Variants in GGACT observed in about 807,000 individuals in gnomAD.
The protein encoded by GGACT is gamma-glutamylaminecyclotransferase.
For missense variants in GGACT, 241 were observed against 233.2 expected (o/e 1.03, Z -0.22); for synonymous variants, 118 against 115.3 (o/e 1.02, Z -0.15).
At chr13:100,581,675 A>T (rs1875421656) in intron 2 of GGACT, among the ~76,000 whole-genome samples, 1 of 152,226 alleles carries the variant, frequency 6.6e-6, no homozygotes, top group Non-Finnish European at 1.5e-5. Flanking sequence ...GCTCACTGTG[A>T]CTTCCTTTCA....
chr13:100,583,210 T>C (rs1875467691), intron 2 of GGACT, among the ~76,000 whole-genome samples: 2 of 152,220 alleles, frequency 1.3e-5, no homozygotes, highest in South Asian at 4.1e-4. Context: ...TACATTTTCA[T>C]TTATCTGTGT....
rs551014691 is a variant in GGACT, at chr13:100,561,354, T to A, written c.-11+22471A>T. 1.4e-4 allele frequency among the ~76,000 whole-genome samples: 22 copies of A among 152,328 alleles called. No individual in the cohort carries two copies. The South Asian group carries it at 2.7e-3, about 19-fold the overall frequency. On this transcript the variant is annotated intron_variant, in intron 2 of 2. Coordinates refer to ENST00000683975, the MANE Select transcript of GGACT (RefSeq NM_001195087.2). Reference sequence around the variant, plus strand: ...ATGTGAATTATTTCTCAATAAAGCATTAAAATAATGCAATTCTGTATAGAT... The same window carrying A: ...ATGTGAATTATTTCTCAATAAAGCAATAAAATAATGCAATTCTGTATAGAT...
chr13:100,550,345 CA>C lies in GGACT; in HGVS notation c.-10-17745del, dbSNP rs1566532525. On this transcript the variant is annotated intron_variant, in intron 2 of 2. Coordinates refer to ENST00000683975, the MANE Select transcript of GGACT (RefSeq NM_001195087.2). ...ACACACACACACACACACACACACA[CA>C]CACACACACCACTGGCCCTTCTAAG... 2.5e-4 allele frequency among the ~76,000 whole-genome samples: 12 copies of C among 47,844 alleles called. 1 individual carries two copies. The highest frequency in any genetic ancestry group is 6.5e-4 in the African/African-American group (10 of 15,410). 31.4% of individuals were successfully genotyped at this position (47,844 alleles called of 152,430 possible).
Position 100,530,244 on chromosome 13 carries a change from A to T in GGACT, c.*1886T>A. The T allele has an allele frequency of 8.7e-7, 1 of 1,149,150 alleles. No individual in the cohort carries two copies. Among genetic ancestry groups the T allele is most frequent in the Non-Finnish European group, 1.3e-6 (1 of 761,118 alleles). The allele number at this position is 1,149,150 out of a possible 1,614,324, so 71.2% of individuals were successfully genotyped here. On this transcript the variant is annotated 3_prime_UTR_variant, in exon 3 of 3. Coordinates refer to ENST00000683975, the MANE Select transcript of GGACT (RefSeq NM_001195087.2). ...GCTTTCACACACAATTGATTCAAGC[A>T]TTATACAGGAACACCCCTGTGCAGC...
intron 2 of GGACT, among the ~76,000 whole-genome samples, chr13:100,554,574 T>C (rs1361352139): frequency 1.3e-5 from 2 of 152,190 alleles, no homozygotes; most frequent in Non-Finnish European, 2.9e-5. Flanking sequence ...TACCAAGGAA[T>C]CACGATTAAT....
chr13:100,582,577 G>T (rs191767958), intron 2 of GGACT, among the ~76,000 whole-genome samples: 1 of 152,196 alleles, frequency 6.6e-6, no homozygotes, highest in African/African-American at 2.4e-5. Flanking sequence ...CCCTGGATCA[G>T]ATCAGACAGA....
In GGACT at chr13:100,550,335, CACACACACACACACACA is replaced by C. The variant is rs1566532466; in HGVS notation, c.-10-17751_-10-17735del. ...ACACACACACACACACACACACACA[CACACACACACACACACA>C]CACCACTGGCCCTTCTAAGGAAACT... On this transcript the variant is annotated intron_variant, in intron 2 of 2. Transcript: ENST00000683975. 2.7e-4 allele frequency among the ~76,000 whole-genome samples: 36 copies of C among 133,546 alleles called. 5 individuals are homozygous for C. Among genetic ancestry groups the C allele is most frequent in the African/African-American group, 8.0e-4 (29 of 36,206 alleles). 87.6% of individuals were successfully genotyped at this position (133,546 alleles called of 152,430 possible). A position where few individuals can be genotyped will look rare whatever the true frequency, so the allele number is the denominator to read the frequency against.
intron 2 of GGACT, chr13:100,537,924 A>AAGC (rs2088513058): frequency 2.0e-5 from 3 of 152,382 alleles, no homozygotes; most frequent in Middle Eastern, 3.4e-3. Flanking sequence ...AAGAGTGGAC[A>AAGC]AGCAGGCTTA....
At chr13:100,581,382 C>A (rs368065358) in intron 2 of GGACT, among the ~76,000 whole-genome samples, 1 of 152,170 alleles carries the variant, frequency 6.6e-6, no homozygotes, top group Non-Finnish European at 1.5e-5. Context: ...AACAAACCCA[C>A]CAGCCCACAA....
chr13:100,553,128 G>A (rs2088680344), intron 2 of GGACT, among the ~76,000 whole-genome samples: 1 of 152,222 alleles, frequency 6.6e-6, no homozygotes, highest in African/African-American at 2.4e-5. Context: ...TTCGGCTTCT[G>A]TGTGATGAGA....
At chr13:100,536,180 C>T (rs2088489264) in intron 2 of GGACT, 1 of 152,236 alleles carries the variant, frequency 6.6e-6, no homozygotes, top group African/African-American at 2.4e-5. Flanking sequence ...GAGCTCTTCC[C>T]TGGAGGCTCT....
At chr13:100,585,926 T>C (rs947733961) in intron 1 of GGACT, among the ~76,000 whole-genome samples, 3 of 146,844 alleles carry the variant, frequency 2.0e-5, no homozygotes, top group African/African-American at 7.5e-5. Flanking sequence ...ATGGCTTGAA[T>C]CCAGGAGTTC....
intron 2 of GGACT, among the ~76,000 whole-genome samples, chr13:100,567,859 A>T (rs1874949632): frequency 6.6e-6 from 1 of 152,228 alleles, no homozygotes; most frequent in Non-Finnish European, 1.5e-5. Context: ...GCCTGAATGC[A>T]GTTATGTATC....
intron 2 of GGACT, among the ~76,000 whole-genome samples, chr13:100,554,354 G>A (rs765924072): frequency 2.6e-5 from 4 of 152,194 alleles, no homozygotes; most frequent in African/African-American, 4.8e-5. Context: ...GATCCAGAAT[G>A]TGAGGCATTT....
intron 2 of GGACT, among the ~76,000 whole-genome samples, chr13:100,535,103 G>C (rs1011919021): frequency 3.3e-5 from 5 of 152,200 alleles, no homozygotes; most frequent in African/African-American, 1.2e-4. Flanking sequence ...TCCCAGGCTG[G>C]TGGCGATCTA....
intron 2 of GGACT, among the ~76,000 whole-genome samples, chr13:100,557,656 T>C (rs1177083306): frequency 2.0e-5 from 3 of 152,120 alleles, no homozygotes. Flanking sequence ...GAGTTAAACT[T>C]TCTAGAAATC....
chr13:100,551,259 G>A (rs2088661341), intron 2 of GGACT, among the ~76,000 whole-genome samples: 1 of 152,046 alleles, frequency 6.6e-6, no homozygotes, highest in Admixed American at 6.5e-5. Context: ...ACTCCAGCCT[G>A]GGCGACAGAG....
At chr13:100,542,847 C>T (rs935337424) in intron 2 of GGACT, among the ~76,000 whole-genome samples, 6 of 152,202 alleles carry the variant, frequency 3.9e-5, no homozygotes, top group East Asian at 1.9e-4. Flanking sequence ...TCCATCTGGT[C>T]GGGCGCTGCC....
intron 1 of GGACT, chr13:100,586,649 C>G (rs1875584685): frequency 6.6e-6 from 1 of 152,368 alleles, no homozygotes; most frequent in East Asian, 1.9e-4. Context: ...GTCTCCCCAA[C>G]TGTGACCTTC....
Sources: allele counts gnomAD v4.1 joint callset (sites outside exome capture counted in the v4.1 genomes callset), GRCh38; gene constraint gnomAD v4.1.1; transcripts MANE v1.5; gene names NCBI Gene and HGNC (gene_info 2026-07-23, HGNC 2026-07-21).